Variants in CLPX observed in about 807,000 individuals in gnomAD.
CLPX encodes the protein caseinolytic mitochondrial matrix peptidase chaperone subunit X.
CLPX carries 34 observed loss-of-function variants against 76.4 expected under a neutral mutation model. The ratio of observed to expected loss-of-function variants is 0.45; its 90% CI spans 0.34 to 0.59. CLPX has a LOEUF of 0.59. Ranked by LOEUF, CLPX falls within the 20% of genes least tolerant of loss-of-function variation. The pLI is 0.01. For missense variants in CLPX, 613 were observed against 757.0 expected (o/e 0.81, Z 2.23); for synonymous variants, 248 against 270.9 (o/e 0.92, Z 0.83).
chr15:65,171,003 A>T (rs1270601050), intron 3 of CLPX, among the ~76,000 whole-genome samples: 1 of 151,382 alleles, frequency 6.6e-6, no homozygotes, highest in Non-Finnish European at 1.5e-5. Flanking sequence ...TTGTACTTTT[A>T]GTAGAGATGG....
rs1479440624 is a variant in CLPX, at chr15:65,167,932, T to C, written c.359-1147A>G. On this transcript the variant is annotated intron_variant, in intron 3 of 13. Coordinates refer to ENST00000300107, the MANE Select transcript of CLPX (RefSeq NM_006660.5). ...ATTATTTCATATCTTTCTTATTTTA[T>C]CTTTACTCCACTAGTTCCTATTTCT... 8.6e-5 allele frequency among the ~76,000 whole-genome samples: 13 copies of C among 151,826 alleles called. No homozygotes were observed. The East Asian group carries it at 2.3e-3, about 27-fold the overall frequency.
At chr15:65,173,859 A>T (rs185230579) in intron 3 of CLPX, among the ~76,000 whole-genome samples, 51 of 152,338 alleles carry the variant, frequency 3.3e-4, no homozygotes, top group Non-Finnish European at 5.7e-4. Context: ...AATAGTTAAC[A>T]GGGCTAGGAG....
intron 2 of CLPX, 38 bp from the exon 3 acceptor site, chr15:65,179,089 T>A: frequency 7.6e-7 from 1 of 1,322,430 alleles, no homozygotes; most frequent in South Asian, 1.2e-5. Context: ...AGAGTGTCAA[T>A]TATTAGTTTC....
rs1191201192 is a variant in CLPX at position 65,170,636 on chromosome 15, G to T, written c.359-3851C>A. Among the ~76,000 whole-genome samples, 8 of 151,754 alleles carry T rather than the reference G, an allele frequency of 5.3e-5. No homozygotes were observed. In the East Asian group the frequency reaches 1.6e-3, roughly 30 times the overall value. On this transcript the variant is annotated intron_variant, in intron 3 of 13. Coordinates refer to ENST00000300107, the MANE Select transcript of CLPX (RefSeq NM_006660.5). ...AAAAATTAGCCAGGTGTGGTGGCGG[G>T]TGCCTGTAATCCCAGCTACCTGAGA...
intron 12 of CLPX, among the ~76,000 whole-genome samples, chr15:65,153,012 T>C (rs897789557): frequency 6.6e-6 from 1 of 152,034 alleles, no homozygotes; most frequent in African/African-American, 2.4e-5. Context: ...CCTTCCAAAG[T>C]GTTGGGATTT....
Position 65,180,055 on chromosome 15 carries a change from C to T in CLPX, c.229G>A (p.Asp77Asn), listed in dbSNP as rs763927427. ...GATAAAATAATTACCTTATTTCCAT[C>T]TCCAGAACCATCTTTACTTATCCCA... Reference protein sequence around the residue: ...KDGISKDGSGDGNKKSASEGS... With the variant: ...KDGISKDGSGNGNKKSASEGS... Residue 77 changes from aspartate (D) to asparagine (N), a missense_variant, in exon 2 of 14, where the codon GAT becomes AAT. Coordinates refer to ENST00000300107, the MANE Select transcript of CLPX (RefSeq NM_006660.5). 6 of 1,604,186 alleles carry T rather than the reference C, an allele frequency of 3.7e-6. No individual in the cohort carries two copies. The Admixed American group carries it at 1.0e-4, about 27-fold the overall frequency.
chr15:65,167,202 C>A (rs2087927028), intron 3 of CLPX, among the ~76,000 whole-genome samples: 1 of 151,904 alleles, frequency 6.6e-6, no homozygotes, highest in Non-Finnish European at 1.5e-5. Flanking sequence ...TCCTGAGTAG[C>A]TGGGATTACA....
At chr15:65,155,987 A>T in intron 9 of CLPX, 131 bp from the exon 10 acceptor site, 1 of 692,380 alleles carries the variant, frequency 1.4e-6, no homozygotes, top group Non-Finnish European at 2.4e-6. Context: ...AAACTCCCAC[A>T]TTCCTATAAC....
At chr15:65,168,218 T>C (rs1404712619) in intron 3 of CLPX, among the ~76,000 whole-genome samples, 1 of 149,592 alleles carries the variant, frequency 6.7e-6, no homozygotes, top group Non-Finnish European at 1.5e-5. Flanking sequence ...ACCCTGTCTC[T>C]ACTAAAAATA....
At chr15:65,154,324 T>C (rs1345395556) in intron 11 of CLPX, among the ~76,000 whole-genome samples, 1 of 152,198 alleles carries the variant, frequency 6.6e-6, no homozygotes, top group Non-Finnish European at 1.5e-5. Context: ...GACTGATATT[T>C]AGAGACACAA....
chr15:65,182,755 G>A (rs1177908990), intron 1 of CLPX, among the ~76,000 whole-genome samples: 1 of 152,220 alleles, frequency 6.6e-6, no homozygotes, highest in African/African-American at 2.4e-5. Context: ...TTTCTGTAAA[G>A]TATATTTCAC....
rs771329378 is a variant in CLPX, at chr15:65,152,486, T to G, written c.1755A>C (p.Val585=). ...CTACTTCTTTGTCAACCTCCACACA[T>G]ACGATATCAGAATTAGGGACTTCAA... ...PMFEVPNSDI[V]CVEVDKEVVE... is the part of the protein sequence containing the mutation. The change falls in exon 13 of 14, where the codon GTA becomes GTC. Residue 585 remains valine (V), a synonymous_variant. Transcript: ENST00000300107. 3.2e-6 allele frequency: 5 copies of G among 1,562,146 alleles called. No homozygotes were observed. The highest frequency in any genetic ancestry group is 4.3e-6 in the Non-Finnish European group (5 of 1,155,428).
At chr15:65,176,930 T>C (rs963752681) in intron 3 of CLPX, among the ~76,000 whole-genome samples, 3 of 151,874 alleles carry the variant, frequency 2.0e-5, no homozygotes, top group Non-Finnish European at 4.4e-5. Flanking sequence ...GGTTGAAATG[T>C]TTCTTTGAAG....
intron 3 of CLPX, among the ~76,000 whole-genome samples, chr15:65,175,338 T>C (rs946280042): frequency 1.3e-4 from 19 of 151,960 alleles, no homozygotes; most frequent in African/African-American, 3.9e-4. Context: ...ATACAAAAAT[T>C]AGCCTGGCAT....
chr15:65,153,696 A>C, intron 11 of CLPX, 57 bp from the exon 12 acceptor site: 1 of 1,047,644 alleles, frequency 9.5e-7, no homozygotes, highest in Non-Finnish European at 1.4e-6. Context: ...ACCACCAGAA[A>C]ATGTACCATT....
chr15:65,170,060 G>A (rs1483022103), intron 3 of CLPX, among the ~76,000 whole-genome samples: 1 of 151,758 alleles, frequency 6.6e-6, no homozygotes, highest in Non-Finnish European at 1.5e-5. Context: ...CGCACCCAGC[G>A]ACTTTTTTTT....
intron 3 of CLPX, among the ~76,000 whole-genome samples, chr15:65,172,569 T>G (rs145786662): frequency 6.6e-6 from 1 of 151,722 alleles, no homozygotes; most frequent in African/African-American, 2.4e-5. Context: ...GAGGTGGAGG[T>G]TGCAGTGAGC....
chr15:65,156,796 G>A (rs777091402), intron 9 of CLPX, 48 bp downstream of exon 9: 3 of 1,186,306 alleles, frequency 2.5e-6, no homozygotes, highest in South Asian at 2.5e-5. Context: ...GGAGGTTGAT[G>A]TATTCCCTTC....
chr15:65,167,785 G>A (rs1219771413), intron 3 of CLPX, among the ~76,000 whole-genome samples: 3 of 151,974 alleles, frequency 2.0e-5, no homozygotes, highest in African/African-American at 7.2e-5. Context: ...CTACTCGGGA[G>A]GCTGAGGCAG....
Sources: allele counts gnomAD v4.1 joint callset (sites outside exome capture counted in the v4.1 genomes callset), GRCh38; gene constraint gnomAD v4.1.1; transcripts MANE v1.5; gene names NCBI Gene and HGNC (gene_info 2026-07-23, HGNC 2026-07-21).